DDIT3: variants seen among roughly 807,000 people sequenced by gnomAD.
The protein encoded by DDIT3 is DNA damage inducible transcript 3.
Under a neutral mutation model 17.6 loss-of-function variants are expected in DDIT3, and 14 were observed. The ratio of observed to expected loss-of-function variants is 0.80; its 90% confidence interval spans 0.53 to 1.25. The LOEUF (loss-of-function observed/expected upper bound fraction) is 1.25, where lower values mean the gene tolerates loss of function less well. Among genes scored for constraint, DDIT3 ranks in the 50% most tolerant of loss-of-function variants. The pLI is 0.00. For missense variants in DDIT3, 216 were observed against 202.7 expected (o/e 1.07, Z -0.40); for synonymous variants, 93 against 76.5 (o/e 1.22, Z -1.13).
chr12:57,516,943 C>G lies in DDIT3; in HGVS notation c.376G>C (p.Glu126Gln), dbSNP rs770169331. 5.0e-6 allele frequency: 8 copies of G among 1,613,926 alleles called. No homozygotes were observed. The East Asian group carries it at 1.3e-4, about 27-fold the overall frequency. Residue 126 changes from glutamate to glutamine, a missense_variant, in exon 4 of 4, where the codon GAG (glutamate) becomes CAG (glutamine). Transcript: ENST00000346473. ...AGCTGTGCCACTTTCCTTTCATTCT[C>G]CTGTTCTTTCTCCTTCATGCGCTGC... ...GKQRMKEKEQ[E>Q]NERKVAQLAE...
At position 57,517,691 on chromosome 12, in the gene DDIT3, G is replaced by A. The variant is rs1216097647; in HGVS notation, c.-33+15C>T. ...TGCCGTTTAAAATTTTTGGAAAAGGGTAGGTTAAGTTTACCTGCTTTCAGG... is the reference window on the plus strand; with the variant it reads ...TGCCGTTTAAAATTTTTGGAAAAGGATAGGTTAAGTTTACCTGCTTTCAGG... On this transcript the variant is annotated intron_variant, in intron 2 of 3. Coordinates refer to ENST00000346473, the MANE Select transcript of DDIT3 (RefSeq NM_004083.6). 6.6e-5 allele frequency: 38 copies of A among 573,182 alleles called. No homozygotes were observed. The highest frequency in any genetic ancestry group is 6.2e-6 in the Non-Finnish European group (2 of 323,126). The allele number at this position is 573,182 out of a possible 1,614,324, so 35.5% of individuals were successfully genotyped here. A position where few individuals can be genotyped will look rare whatever the true frequency, so the allele number is the denominator to read the frequency against.
Position 57,516,720 on chromosome 12 carries a change from T to C in DDIT3, c.*89A>G, listed in dbSNP as rs1877867544. ...TGCGTATGTGGGATTGAGGGTCACA[T>C]CATTGGCACTAGTGAGAGGGTAGTC... On this transcript the variant is annotated 3_prime_UTR_variant, in exon 4 of 4. Transcript: ENST00000346473. The C allele has an allele frequency of 6.5e-7, 1 of 1,548,550 alleles. No individual in the cohort carries two copies. The highest frequency in any genetic ancestry group is 2.2e-5 in the East Asian group (1 of 44,482).
chr12:57,517,850 C>G (rs1174525644), intron 1 of DDIT3, 97 bp from the exon 2 acceptor site: 2 of 431,790 alleles, frequency 4.6e-6, no homozygotes, highest in East Asian at 6.8e-5. Flanking sequence ...TTTTTTGAGA[C>G]CAAGTCTTGC....
At chr12:57,517,605 C>T (rs985244662) in intron 2 of DDIT3, 101 bp downstream of exon 2, 11 of 703,510 alleles carry the variant, frequency 1.6e-5, no homozygotes, top group Non-Finnish European at 2.7e-5. Context: ...GCTACAGTGG[C>T]AGAGATGAAG....
At chr12:57,518,458 T>C (rs1177781094) in intron 1 of DDIT3, among the ~76,000 whole-genome samples, 1 of 152,256 alleles carries the variant, frequency 6.6e-6, no homozygotes, top group Non-Finnish European at 1.5e-5. Context: ...CAGACTCTGC[T>C]GTCTACTGCC....
chr12:57,516,847 C>T lies in DDIT3; in HGVS notation c.472G>A (p.Ala158Thr). ...LTREVEATRR[A>T]LIDRMVNLHQ... ...AGATTCACCATTCGGTCAATCAGAG[C>T]TCGGCGAGTCGCCTCTACTTCCCTG... The change falls in exon 4 of 4, where the codon GCT becomes ACT. Residue 158 changes from alanine to threonine, a missense_variant. Ala to Thr is a moderately conservative substitution (Grantham distance 58). Transcript: ENST00000346473. 6.2e-7 allele frequency: 1 copy of T among 1,612,768 alleles called. No homozygotes were observed. Among genetic ancestry groups the T allele is most frequent in the Non-Finnish European group, 8.5e-7 (1 of 1,180,026 alleles).
Position 57,520,496 on chromosome 12 carries a change from T to C in DDIT3, c.-159A>G, listed in dbSNP as rs1381498058. On this transcript the variant is annotated 5_prime_UTR_variant, in exon 1 of 4. Coordinates refer to ENST00000346473, the MANE Select transcript of DDIT3 (RefSeq NM_004083.6). ...TCTTTAACATGATACGCTCAGTGCC[T>C]TAGACTTAAGTCTCTGACCTCGGGA... 3.8e-5 allele frequency: 15 copies of C among 398,664 alleles called. No individual in the cohort carries two copies. The highest frequency in any genetic ancestry group is 8.8e-6 in the Non-Finnish European group (2 of 226,116). 24.7% of individuals were successfully genotyped at this position (398,664 alleles called of 1,614,324 possible).
Position 57,516,782 on chromosome 12 carries a change from A to T in DDIT3, c.*27T>A. Reference sequence around the variant, plus strand: ...CTGGGAAAGGTGGGTAGTGTGGCCCAAGTGGGGGACTGATGCTCCCAATTG... The same window carrying T: ...CTGGGAAAGGTGGGTAGTGTGGCCCTAGTGGGGGACTGATGCTCCCAATTG... On this transcript the variant is annotated 3_prime_UTR_variant, in exon 4 of 4. Coordinates refer to ENST00000346473, the MANE Select transcript of DDIT3 (RefSeq NM_004083.6). 1 of 1,599,426 alleles carries T rather than the reference A, an allele frequency of 6.3e-7. No individual in the cohort carries two copies. Among genetic ancestry groups the T allele is most frequent in the Non-Finnish European group, 8.5e-7 (1 of 1,174,448 alleles).
Position 57,516,978 on chromosome 12 carries a change from C to T in DDIT3, c.341G>A (p.Arg114Gln), listed in dbSNP as rs1565654145. ...CTCCTTCATGCGCTGCTTTCCAGCC[C>T]GGGCTGGGGAATGACCACTCTGTTT... ...KRKQSGHSPARAGKQRMKEKE... is the reference protein window; with the variant it reads ...KRKQSGHSPAQAGKQRMKEKE... The change falls in exon 4 of 4, where the codon CGG (arginine) becomes CAG (glutamine). Residue 114 changes from arginine (R) to glutamine (Q), a missense_variant. Transcript: ENST00000346473. 6.2e-6 allele frequency: 10 copies of T among 1,614,018 alleles called. No homozygotes were observed. Among genetic ancestry groups the T allele is most frequent in the Admixed American group, 3.3e-5 (2 of 59,984 alleles).
At chr12:57,519,715 T>C (rs1878148128) in intron 1 of DDIT3, among the ~76,000 whole-genome samples, 1 of 152,190 alleles carries the variant, frequency 6.6e-6, no homozygotes, top group African/African-American at 2.4e-5. Context: ...AGAGATTAGC[T>C]GGGAGACAGG....
At position 57,517,006 on chromosome 12, in the gene DDIT3, G is replaced by A. The variant is rs557251461; in HGVS notation, c.313C>T (p.Arg105Trp). The A allele has an allele frequency of 1.9e-5, 30 of 1,614,056 alleles. No homozygotes were observed. The highest frequency in any genetic ancestry group is 3.3e-4 in the Middle Eastern group (2 of 6,060). The change falls in exon 4 of 4, where the codon CGG (arginine) becomes TGG (tryptophan). Residue 105 changes from arginine to tryptophan, a missense_variant. Physicochemically the swap from Arg to Trp is moderately radical, Grantham distance 101 (BLOSUM62 -3). Coordinates refer to ENST00000346473, the MANE Select transcript of DDIT3 (RefSeq NM_004083.6). ...GCTGGGGAATGACCACTCTGTTTCC[G>A]TTTCCTGGTTCTCCCTTGGTCTTCC... ...EEEDQGRTRK[R>W]KQSGHSPARA... is the part of the protein sequence containing the mutation.
At chr12:57,519,881 T>A (rs1375668060) in intron 1 of DDIT3, among the ~76,000 whole-genome samples, 1 of 152,182 alleles carries the variant, frequency 6.6e-6, no homozygotes, top group Non-Finnish European at 1.5e-5. Context: ...TCCCTGTCCA[T>A]CGGCACCCCT....
At chr12:57,519,382 T>C (rs1565656067) in intron 1 of DDIT3, 2 of 368,288 alleles carry the variant, frequency 5.4e-6, no homozygotes, top group South Asian at 4.0e-5. Flanking sequence ...CCCACTGAGA[T>C]GATTTTTTCC....
In DDIT3 at chr12:57,516,686, C is replaced by G. The variant is rs1877863902; in HGVS notation, c.*123G>C. 6.5e-7 allele frequency: 1 copy of G among 1,526,984 alleles called. No individual in the cohort carries two copies. The highest frequency in any genetic ancestry group is 8.8e-7 in the Non-Finnish European group (1 of 1,138,414). 94.6% of individuals were successfully genotyped at this position (1,526,984 alleles called of 1,614,324 possible). A position where few individuals can be genotyped will look rare whatever the true frequency, so the allele number is the denominator to read the frequency against. ...GACCTTTCCTTTTGTCTACTCCAAGCCTTCCCCCTGCGTATGTGGGATTGA... is the reference window on the plus strand; with the variant it reads ...GACCTTTCCTTTTGTCTACTCCAAGGCTTCCCCCTGCGTATGTGGGATTGA... On this transcript the variant is annotated 3_prime_UTR_variant, in exon 4 of 4. Transcript: ENST00000346473.
In DDIT3 at chr12:57,516,668, C is replaced by G. The variant is rs1324224755; in HGVS notation, c.*141G>C. 1 of 1,521,864 alleles carries G rather than the reference C, an allele frequency of 6.6e-7. No individual in the cohort carries two copies. Among genetic ancestry groups the G allele is most frequent in the African/African-American group, 1.4e-5 (1 of 71,610 alleles). 94.3% of individuals were successfully genotyped at this position (1,521,864 alleles called of 1,614,324 possible). A position where few individuals can be genotyped will look rare whatever the true frequency, so the allele number is the denominator to read the frequency against. On this transcript the variant is annotated 3_prime_UTR_variant, in exon 4 of 4. Coordinates refer to ENST00000346473, the MANE Select transcript of DDIT3 (RefSeq NM_004083.6). ...TCTCTATATACAAGCTGAGACCTTT[C>G]CTTTTGTCTACTCCAAGCCTTCCCC...
In DDIT3 at chr12:57,520,453, G is replaced by T. The variant is rs1594845664; in HGVS notation, c.-116C>A. 7.5e-6 allele frequency: 3 copies of T among 398,652 alleles called. No individual in the cohort carries two copies. The East Asian group carries it at 1.1e-4, about 14-fold the overall frequency. 24.7% of individuals were successfully genotyped at this position (398,652 alleles called of 1,614,324 possible). Reference sequence around the variant, plus strand: ...AGGTTCCAGCTCTGATTTTGGCTCTGTCGCTGCCACCCGCTCATCTTTAAC... The same window carrying T: ...AGGTTCCAGCTCTGATTTTGGCTCTTTCGCTGCCACCCGCTCATCTTTAAC... On this transcript the variant is annotated 5_prime_UTR_variant, in exon 1 of 4. Transcript: ENST00000346473.
Position 57,517,536 on chromosome 12 carries a change from A to T in DDIT3, c.-32-98T>A, listed in dbSNP as rs1877962162. The stretch of plus-strand genomic sequence containing the variant: ...GTCTGATGCCTGTTTTTGTAGGTAA[A>T]GTTGTACTGGAATACAGCCACATCT... On this transcript the variant is annotated intron_variant, in intron 2 of 3. Transcript: ENST00000346473. 5.4e-6 allele frequency: 7 copies of T among 1,305,002 alleles called. No individual in the cohort carries two copies. The Admixed American group carries it at 1.3e-4, about 25-fold the overall frequency. 80.8% of individuals were successfully genotyped at this position (1,305,002 alleles called of 1,614,324 possible).
At chr12:57,520,344 G>A (rs957496282) in intron 1 of DDIT3, 74 bp downstream of exon 1, 1 of 398,444 alleles carries the variant, frequency 2.5e-6, no homozygotes, top group East Asian at 3.6e-5. Flanking sequence ...GAGGAGTGAG[G>A]CCGATCCTAA....
At chr12:57,518,113 G>A (rs1878015355) in intron 1 of DDIT3, among the ~76,000 whole-genome samples, 1 of 151,352 alleles carries the variant, frequency 6.6e-6, no homozygotes, top group Non-Finnish European at 1.5e-5. Context: ...CTACCGTGCT[G>A]GGCCCTTATT....
Sources: allele counts gnomAD v4.1 joint callset (sites outside exome capture counted in the v4.1 genomes callset), GRCh38; gene constraint gnomAD v4.1.1; transcripts MANE v1.5; gene names NCBI Gene and HGNC (gene_info 2026-07-23, HGNC 2026-07-21).